Variants in CSMD1 observed in about 807,000 individuals in gnomAD.
CSMD1 encodes the protein CUB and Sushi multiple domains 1, also known as CUB and sushi domain-containing protein 1.
CSMD1 carries 213 observed loss-of-function variants against 417.5 expected under a neutral mutation model. The ratio of observed to expected loss-of-function variants is 0.51; its 90% confidence interval spans 0.46 to 0.57. CSMD1 has a LOEUF of 0.57. Ranked by LOEUF, CSMD1 falls within the 20% of genes least tolerant of loss-of-function variation. The pLI is 0.00. For missense variants in CSMD1, 6,923 were observed against 4,529.7 expected (o/e 1.53, Z -15.17); for synonymous variants, 2,862 against 1,736.8 (o/e 1.65, Z -16.11).
intron 8 of CSMD1, among the ~76,000 whole-genome samples, chr8:3,598,097 G>A (rs1024700182): frequency 6.6e-6 from 1 of 152,016 alleles, no homozygotes; most frequent in Non-Finnish European, 1.5e-5. Context: ...TTAATCTTGG[G>A]TCATTCCTAG....
chr8:3,194,784 T>G (rs1796613088), intron 33 of CSMD1, among the ~76,000 whole-genome samples: 1 of 151,922 alleles, frequency 6.6e-6, no homozygotes, highest in Non-Finnish European at 1.5e-5. Context: ...TAACTATATT[T>G]CCATGAATGC....
At chr8:3,429,031 TG>T (rs1814036567) in intron 12 of CSMD1, among the ~76,000 whole-genome samples, 2 of 152,072 alleles carry the variant, frequency 1.3e-5, no homozygotes, top group South Asian at 4.2e-4. Context: ...TACCAGAGAC[TG>T]GGGGAGGCAG....
At chr8:3,915,182 G>T (rs115225400) in intron 5 of CSMD1, among the ~76,000 whole-genome samples, 3 of 151,972 alleles carry the variant, frequency 2.0e-5, no homozygotes, top group Admixed American at 2.0e-4. Flanking sequence ...GAGGCAGGAG[G>T]ACCACCTAAG....
intron 1 of CSMD1, among the ~76,000 whole-genome samples, chr8:4,736,519 C>A (rs1313791747): frequency 6.6e-6 from 1 of 152,046 alleles, no homozygotes; most frequent in Non-Finnish European, 1.5e-5. Flanking sequence ...GCATACACTG[C>A]GGCCATGACA....
At chr8:4,680,688 T>C (rs1439186869) in intron 1 of CSMD1, among the ~76,000 whole-genome samples, 1 of 152,068 alleles carries the variant, frequency 6.6e-6, no homozygotes, top group Non-Finnish European at 1.5e-5. Context: ...CAAGTGACTC[T>C]CCCGCCTCAG....
chr8:4,607,737 T>A (rs75171519), intron 2 of CSMD1, among the ~76,000 whole-genome samples: 3,579 of 152,292 alleles, frequency 0.024, 65 homozygotes, highest in African/African-American at 0.044. Context: ...ACAGTAAACG[T>A]AGCAGCCTCA....
At chr8:4,865,670 A>T (rs1292292991) in intron 1 of CSMD1, among the ~76,000 whole-genome samples, 1 of 151,820 alleles carries the variant, frequency 6.6e-6, no homozygotes, top group Non-Finnish European at 1.5e-5. Flanking sequence ...TATTTTTATA[A>T]TCATTGGGAG....
intron 1 of CSMD1, among the ~76,000 whole-genome samples, chr8:4,898,691 C>G (rs13271828): frequency 6.6e-5 from 10 of 151,834 alleles, no homozygotes; most frequent in South Asian, 4.2e-4. Flanking sequence ...CTGAGAAAAA[C>G]GAAATGGAAT....
intron 23 of CSMD1, among the ~76,000 whole-genome samples, chr8:3,325,531 A>G (rs913725284): frequency 3.3e-5 from 5 of 152,222 alleles, no homozygotes; most frequent in Non-Finnish European, 5.9e-5. Flanking sequence ...ATGAAAGTAA[A>G]TAACAAGGTC....
At chr8:4,307,570 C>G (rs1585200923) in intron 3 of CSMD1, among the ~76,000 whole-genome samples, 1 of 152,208 alleles carries the variant, frequency 6.6e-6, no homozygotes, top group African/African-American at 2.4e-5. Context: ...CTCTGCTTAT[C>G]TGTGTTTACA....
At chr8:4,529,202 C>T (rs954387402) in intron 2 of CSMD1, among the ~76,000 whole-genome samples, 1 of 152,128 alleles carries the variant, frequency 6.6e-6, no homozygotes, top group Non-Finnish European at 1.5e-5. Flanking sequence ...GGTCAAAACT[C>T]TTATCAGGAC....
chr8:3,002,883 C>G (rs1807536109), intron 52 of CSMD1, among the ~76,000 whole-genome samples: 2 of 152,100 alleles, frequency 1.3e-5, no homozygotes, highest in Non-Finnish European at 2.9e-5. Flanking sequence ...GCACCAAATG[C>G]CTAAAGAAAA....
intron 1 of CSMD1, among the ~76,000 whole-genome samples, chr8:4,717,545 T>C (rs1358488946): frequency 3.0e-4 from 42 of 138,644 alleles, no homozygotes; most frequent in African/African-American, 8.0e-4. Context: ...TGTCTGTCTG[T>C]CTACCTATCT....
intron 7 of CSMD1, among the ~76,000 whole-genome samples, chr8:3,624,913 C>G (rs551306069): frequency 2.4e-4 from 36 of 152,222 alleles, no homozygotes; most frequent in African/African-American, 8.7e-4. Context: ...AAGAATGAAA[C>G]TTTGTCATGC....
chr8:4,417,584 C>T (rs75632130), intron 3 of CSMD1, among the ~76,000 whole-genome samples: 1,776 of 151,960 alleles, frequency 0.012, 26 homozygotes, highest in Non-Finnish European at 0.02. Flanking sequence ...TGCCTTTATA[C>T]GTCTTGGATT....
chr8:4,821,503 T>G (rs1799522696), intron 1 of CSMD1, among the ~76,000 whole-genome samples: 1 of 152,160 alleles, frequency 6.6e-6, no homozygotes, highest in Non-Finnish European at 1.5e-5. Flanking sequence ...ATGCACATTC[T>G]TCATGAATTA....
chr8:3,576,956 T>G (rs1800175592), intron 9 of CSMD1, among the ~76,000 whole-genome samples: 1 of 152,364 alleles, frequency 6.6e-6, no homozygotes, highest in East Asian at 1.9e-4. Flanking sequence ...TTCATAAATA[T>G]TTGCTGATTT....
intron 3 of CSMD1, among the ~76,000 whole-genome samples, chr8:4,402,187 A>T (rs2128929493): frequency 6.6e-6 from 1 of 152,136 alleles, no homozygotes; most frequent in Non-Finnish European, 1.5e-5. Context: ...CTTCTCCAAA[A>T]TTGCGACTTT....
chr8:4,088,047 C>T (rs569045750), intron 3 of CSMD1, among the ~76,000 whole-genome samples: 13 of 152,120 alleles, frequency 8.5e-5, no homozygotes, highest in Non-Finnish European at 1.8e-4. Context: ...CCCCCAGCAC[C>T]ATGACCTTTG....
Sources: gnomAD v4.1 joint callset for allele counts (sites outside exome capture counted in the v4.1 genomes callset) on GRCh38, gnomAD v4.1.1 for gene constraint, MANE v1.5 for transcripts, NCBI Gene and HGNC (gene_info 2026-07-23, HGNC 2026-07-21) for gene names.